ACSF2: variants seen among roughly 807,000 people sequenced by gnomAD.
The protein encoded by ACSF2 is acyl-CoA synthetase family member 2.
In ACSF2, 52 loss-of-function variants were observed where a neutral mutation model predicts 79.3. The ratio of observed to expected loss-of-function variants is 0.66; its 90% CI spans 0.53 to 0.83. The LOEUF (loss-of-function observed/expected upper bound fraction) is 0.83, where lower values mean the gene tolerates loss of function less well. Among genes scored for constraint, ACSF2 ranks in the 40% least tolerant of loss-of-function variants. The probability of loss-of-function intolerance (pLI) is 0.00; values close to 1 mark genes in which losing one functional copy is unlikely to be tolerated. For missense variants in ACSF2, 661 were observed against 803.3 expected, an observed-to-expected ratio of 0.82 and a Z score of 2.14; for synonymous variants, 283 against 312.6, an observed-to-expected ratio of 0.91 and a Z score of 1.00.
Position 50,461,927 on chromosome 17 carries a change from G to GGTGTGTGTGT in ACSF2, c.508-241_508-232dup, listed in dbSNP as rs35178435. Among the ~76,000 whole-genome samples the GGTGTGTGTGT allele has an allele frequency of 5.1e-3, 762 of 148,222 alleles. 8 individuals are homozygous for GGTGTGTGTGT. The highest frequency in any genetic ancestry group is 0.018 in the African/African-American group (705 of 39,976). ...GGGGGCATGTGTGTGTCAGGGCAGA[G>GGTGTGTGTGT]GTGTGTGTGTGTGTGTGTGTGTGTG... On this transcript the variant is annotated intron_variant, in intron 4 of 15. Coordinates refer to ENST00000300441, the MANE Select transcript of ACSF2 (RefSeq NM_025149.6).
In ACSF2 at chr17:50,473,912, G is replaced by A. The variant is rs757278123; in HGVS notation, c.1636G>A (p.Asp546Asn). Residue 546 changes from aspartate (D) to asparagine (N), a missense_variant, in exon 14 of 16, where the codon GAT becomes AAT. Coordinates refer to ENST00000300441, the MANE Select transcript of ACSF2 (RefSeq NM_025149.6). ...QEVQVVGVKDDRMGEEICACI... is the reference protein window; with the variant it reads ...QEVQVVGVKDNRMGEEICACI... The stretch of plus-strand genomic sequence containing the variant: ...CTGGAAGGTGGTGGGAGTGAAGGAC[G>A]ATCGGATGGGGGAAGAGATTTGTGC... 8.8e-6 allele frequency: 14 copies of A among 1,587,182 alleles called. 1 individual carries two copies. The highest frequency in any genetic ancestry group is 2.2e-5 in the East Asian group (1 of 44,500).
chr17:50,435,673 A>G (rs918483892), intron 1 of ACSF2, among the ~76,000 whole-genome samples: 1 of 152,108 alleles, frequency 6.6e-6, no homozygotes, highest in Non-Finnish European at 1.5e-5. Context: ...CAGCCTCCCA[A>G]AGTGCTAAGA....
chr17:50,433,729 C>G (rs1355622649), intron 1 of ACSF2, among the ~76,000 whole-genome samples: 1 of 152,084 alleles, frequency 6.6e-6, no homozygotes, highest in Non-Finnish European at 1.5e-5. Context: ...GGTGATGTGC[C>G]CACCTCTGCC....
intron 10 of ACSF2, chr17:50,467,995 G>A (rs200604528): frequency 6.6e-7 from 1 of 1,519,422 alleles, no homozygotes; most frequent in African/African-American, 1.4e-5. Flanking sequence ...GGGCCTCCAG[G>A]AAGGGAAGAA....
At chr17:50,461,777 A>G in intron 4 of ACSF2, 91 bp downstream of exon 4, 1 of 1,506,896 alleles carries the variant, frequency 6.6e-7, no homozygotes, top group Non-Finnish European at 9.2e-7. Flanking sequence ...GGTGTGAGCT[A>G]GGGCATGCAT....
intron 1 of ACSF2, among the ~76,000 whole-genome samples, chr17:50,429,917 A>G (rs969923570): frequency 6.6e-6 from 1 of 152,132 alleles, no homozygotes; most frequent in Non-Finnish European, 1.5e-5. Context: ...TCCTTCCCCA[A>G]AGAAGGTGGA....
Position 50,471,935 on chromosome 17 carries a change from A to C in ACSF2, c.1324-493A>C, listed in dbSNP as rs2033140190. ...AGGCATCACTCACCCCATTTCACGG[A>C]CACAGACACTGAGGCACACAGAGGC... On this transcript the variant is annotated intron_variant, in intron 11 of 15. Transcript: ENST00000300441. The surrounding 1 kb of genome is among the most constrained non-coding windows in gnomAD (Gnocchi z 4.1). Among the ~76,000 whole-genome samples, 2 of 152,182 alleles carry C rather than the reference A, an allele frequency of 1.3e-5. No homozygotes were observed. Among genetic ancestry groups the C allele is most frequent in the Admixed American group, 1.3e-4 (2 of 15,284 alleles).
At chr17:50,437,145 A>G (rs535342536) in intron 1 of ACSF2, among the ~76,000 whole-genome samples, 2 of 152,320 alleles carry the variant, frequency 1.3e-5, no homozygotes, top group East Asian at 3.9e-4. Flanking sequence ...CGAGTGGCAC[A>G]TGGACTAGAA....
chr17:50,459,822 T>C (rs2032226032), intron 1 of ACSF2, among the ~76,000 whole-genome samples: 1 of 152,106 alleles, frequency 6.6e-6, no homozygotes, highest in African/African-American at 2.4e-5. Context: ...GGCCCCAGAC[T>C]AGAACCCGAG....
At chr17:50,464,023 C>A in intron 9 of ACSF2, 114 bp downstream of exon 9, 1 of 576,688 alleles carries the variant, frequency 1.7e-6, no homozygotes, top group Non-Finnish European at 3.0e-6. Context: ...AAGAAGGACG[C>A]TGTAAAAATG....
intron 1 of ACSF2, among the ~76,000 whole-genome samples, chr17:50,442,332 T>TTTTA (rs2030987816): frequency 6.6e-6 from 1 of 150,720 alleles, no homozygotes; most frequent in East Asian, 2.0e-4. Flanking sequence ...ACAATTTTTT[T>TTTTA]TTTTTTTTTT....
chr17:50,468,158 C>G, intron 10 of ACSF2: 4 of 1,614,182 alleles, frequency 2.5e-6, no homozygotes, highest in Non-Finnish European at 2.5e-6. Flanking sequence ...CTCCACCACC[C>G]GTAGCTTGCT....
chr17:50,468,234 C>G, intron 10 of ACSF2: 1 of 1,612,554 alleles, frequency 6.2e-7, no homozygotes, highest in Non-Finnish European at 8.5e-7. Context: ...AGGTTCTCCA[C>G]GTCGTCCAGG....
rs140772701 is a variant in ACSF2, at chr17:50,429,922, G to A, written c.128+3533G>A. ...TCTATGTGCCTCCTTCCCCAAAGAA[G>A]GTGGATGGCTTAGTCTGGGGCTTCA... is the stretch of plus-strand genomic sequence containing the variant. On this transcript the variant is annotated intron_variant, in intron 1 of 15. Transcript: ENST00000300441. 1.7e-3 allele frequency among the ~76,000 whole-genome samples: 265 copies of A among 152,354 alleles called. 3 individuals are homozygous for A. Among genetic ancestry groups the A allele is most frequent in the African/African-American group, 5.9e-3 (247 of 41,584 alleles).
chr17:50,427,049 G>T (rs2143442099), intron 1 of ACSF2: 1 of 1,479,954 alleles, frequency 6.8e-7, no homozygotes, highest in Non-Finnish European at 9.1e-7. Flanking sequence ...ATGTGAAAGT[G>T]CTTGAGACAC....
intron 1 of ACSF2, among the ~76,000 whole-genome samples, chr17:50,428,283 C>T (rs755066869): frequency 2.6e-5 from 4 of 151,346 alleles, no homozygotes; most frequent in African/African-American, 4.9e-5. Flanking sequence ...GTCAGGAGAC[C>T]GGTTTGGCCA....
At chr17:50,426,417 G>C in intron 1 of ACSF2, 28 bp downstream of exon 1, 1 of 1,300,222 alleles carries the variant, frequency 7.7e-7, no homozygotes, top group Non-Finnish European at 9.8e-7. Context: ...GAAGAGAGGG[G>C]GCGGGGCAGT....
chr17:50,434,023 G>A (rs1250879962), intron 1 of ACSF2, among the ~76,000 whole-genome samples: 1 of 151,932 alleles, frequency 6.6e-6, no homozygotes, highest in Non-Finnish European at 1.5e-5. Context: ...CATTCAAGAT[G>A]CTGAAAATGG....
chr17:50,427,869 T>C (rs191186394), intron 1 of ACSF2, among the ~76,000 whole-genome samples: 1 of 152,248 alleles, frequency 6.6e-6, no homozygotes. Context: ...TCAGAGAAAT[T>C]CTTATTGCTG....
Sources: gnomAD v4.1 joint callset for allele counts (sites outside exome capture counted in the v4.1 genomes callset) on GRCh38, gnomAD v4.1.1 for gene constraint, Gnocchi (gnomAD v3.1) non-coding constraint, MANE v1.5 for transcripts, NCBI Gene and HGNC (gene_info 2026-07-23, HGNC 2026-07-21) for gene names.